Variants in DOCK2 observed in about 807,000 individuals in gnomAD.
DOCK2 encodes the protein dedicator of cytokinesis 2.
A neutral mutation model predicts 248.9 loss-of-function variants in DOCK2; 87 were observed. The observed-to-expected ratio is 0.35, with a 90% CI of 0.29 to 0.42. The LOEUF is 0.42. Ranked by LOEUF, DOCK2 falls within the 10% of genes least tolerant of loss-of-function variation. DOCK2 has a pLI of 1.00. For synonymous variants in DOCK2, 805 were observed against 821.6 expected (o/e 0.98, Z 0.35); for missense variants, 1,747 against 2,300.2 (o/e 0.76, Z 4.92).
At position 169,801,346 on chromosome 5, in the gene DOCK2, G is replaced by T. The variant is rs1478974350; in HGVS notation, c.2555-1712G>T. Among the ~76,000 whole-genome samples, 10 of 151,988 alleles carry T rather than the reference G, an allele frequency of 6.6e-5. No homozygotes were observed. In the South Asian group the frequency reaches 2.1e-3, roughly 32 times the overall value. ...AGTGCTTAAGAGCACAGTCTCTGCA[G>T]TCGGGCTGGATTTACCACTTACTAG... On this transcript the variant is annotated intron_variant, in intron 25 of 51. Transcript: ENST00000520908.
In DOCK2 at chr5:170,059,363, T is replaced by A. The variant is rs565806700; in HGVS notation, c.4467+1697T>A. On this transcript the variant is annotated intron_variant, in intron 44 of 51. Coordinates refer to ENST00000520908, the MANE Select transcript of DOCK2 (RefSeq NM_004946.3). ...TGAGCCCTATTTAGGAGGTAAGGAA[T>A]CAGAAACTTTCTGTCAATCTGTAGC... Among the ~76,000 whole-genome samples the A allele has an allele frequency of 2.6e-5, 4 of 152,238 alleles. No homozygotes were observed. The East Asian group carries it at 7.7e-4, about 29-fold the overall frequency.
chr5:169,755,158 C>A (rs1297291631), intron 23 of DOCK2, among the ~76,000 whole-genome samples: 3 of 151,810 alleles, frequency 2.0e-5, no homozygotes, highest in Non-Finnish European at 4.4e-5. Flanking sequence ...GTTGCTTAGG[C>A]TGGTCTTGAA....
intron 33 of DOCK2, among the ~76,000 whole-genome samples, chr5:170,020,087 C>A (rs539198605): frequency 6.6e-6 from 1 of 152,190 alleles, no homozygotes; most frequent in African/African-American, 2.4e-5. Context: ...AGCCCACACC[C>A]TCTAGCCAGC....
At chr5:169,726,812 G>T (rs1274831934) in intron 22 of DOCK2, among the ~76,000 whole-genome samples, 1 of 152,178 alleles carries the variant, frequency 6.6e-6, no homozygotes, top group Non-Finnish European at 1.5e-5. Flanking sequence ...CACAGTGGAG[G>T]CCTGGAAATT....
intron 27 of DOCK2, among the ~76,000 whole-genome samples, chr5:169,878,711 G>A (rs1480974718): frequency 6.6e-6 from 1 of 152,206 alleles, no homozygotes; most frequent in Non-Finnish European, 1.5e-5. Context: ...TGCTATGGTG[G>A]CATTCACTCA....
At chr5:169,883,065 C>T (rs1561792803) in intron 27 of DOCK2, 3 of 1,551,500 alleles carry the variant, frequency 1.9e-6, no homozygotes, top group Non-Finnish European at 1.7e-6. Context: ...TGGGCAAAAG[C>T]AATTCAGGTT....
chr5:169,690,411 A>C (rs1295619023), intron 9 of DOCK2, among the ~76,000 whole-genome samples: 1 of 152,210 alleles, frequency 6.6e-6, no homozygotes, highest in Non-Finnish European at 1.5e-5. Flanking sequence ...ACCTTGCTCT[A>C]CAATAATTTT....
chr5:170,056,977 C>G, intron 43 of DOCK2: 2 of 541,614 alleles, frequency 3.7e-6, no homozygotes, highest in Non-Finnish European at 3.3e-6. Flanking sequence ...TAATACAGAA[C>G]CCAGGCCTCA....
intron 1 of DOCK2, among the ~76,000 whole-genome samples, chr5:169,643,947 G>A (rs1001057112): frequency 1.3e-5 from 2 of 152,182 alleles, no homozygotes; most frequent in African/African-American, 2.4e-5. Flanking sequence ...GGTTTGCCTG[G>A]AAAGTGGGTT....
chr5:169,759,762 G>A lies in DOCK2; in HGVS notation c.2434G>A (p.Ala812Thr). 2 of 1,613,986 alleles carry A rather than the reference G, an allele frequency of 1.2e-6. No homozygotes were observed. Among genetic ancestry groups the A allele is most frequent in the Middle Eastern group, 3.3e-4 (2 of 6,060 alleles). ...GCATGATGTAGAAATGGTCTTTGAT[G>A]CGAAGTTACTCAGGTGAGAGCTCAT... ...VLHDVEMVFD[A>T]KLLSQLLYEF... Residue 812 changes from alanine (A) to threonine (T), a missense_variant, in exon 24 of 52, where the codon GCG (alanine) becomes ACG (threonine). Physicochemically the swap from Ala to Thr is moderately conservative, Grantham distance 58 (BLOSUM62 0). This residue lies in a region of DOCK2 where 858 missense variants were observed against 1,183.5 expected (regional missense o/e 0.72). Coordinates refer to ENST00000520908, the MANE Select transcript of DOCK2 (RefSeq NM_004946.3).
intron 26 of DOCK2, among the ~76,000 whole-genome samples, chr5:169,823,413 T>G (rs1156421013): frequency 6.6e-6 from 1 of 152,070 alleles, no homozygotes. Context: ...ATCAAAAAGC[T>G]TATCCACCGT....
At chr5:169,881,452 A>G in intron 27 of DOCK2, 1 of 1,550,966 alleles carries the variant, frequency 6.4e-7, no homozygotes, top group Non-Finnish European at 8.7e-7. Context: ...CCTGCAAGAC[A>G]GAGCATTTGC....
intron 27 of DOCK2, among the ~76,000 whole-genome samples, chr5:169,842,448 C>A (rs1424768765): frequency 6.6e-6 from 1 of 151,068 alleles, no homozygotes; most frequent in Admixed American, 6.6e-5. Context: ...ACCTCCACCT[C>A]CTGGGTTCAA....
chr5:169,729,826 G>T (rs1762674361), intron 22 of DOCK2, among the ~76,000 whole-genome samples: 1 of 152,174 alleles, frequency 6.6e-6, no homozygotes, highest in South Asian at 2.1e-4. Flanking sequence ...GAGCCACACT[G>T]CCTGGGTTTG....
intron 6 of DOCK2, among the ~76,000 whole-genome samples, chr5:169,674,998 A>C (rs181399586): frequency 1.2e-3 from 187 of 152,300 alleles, no homozygotes; most frequent in Non-Finnish European, 2.2e-3. Flanking sequence ...ATTATAAGTA[A>C]CTCTTAATCA....
intron 41 of DOCK2, among the ~76,000 whole-genome samples, chr5:170,052,662 C>T (rs1227401434): frequency 6.6e-6 from 1 of 152,200 alleles, no homozygotes; most frequent in South Asian, 2.1e-4. Flanking sequence ...ACCCCATGAT[C>T]TGTCTGTTTC....
intron 27 of DOCK2, among the ~76,000 whole-genome samples, chr5:169,964,391 A>G (rs760431956): frequency 6.6e-5 from 10 of 152,208 alleles, no homozygotes; most frequent in Non-Finnish European, 1.5e-4. Flanking sequence ...GACTGGCATC[A>G]TCTGCAGAAT....
chr5:169,967,796 A>C (rs1777357115), intron 27 of DOCK2, among the ~76,000 whole-genome samples: 1 of 151,356 alleles, frequency 6.6e-6, no homozygotes, highest in Non-Finnish European at 1.5e-5. Context: ...TAGGGAGAGA[A>C]ATGAACAAAC....
At chr5:170,005,067 TAAAAAA>T (rs33958422) in intron 30 of DOCK2, among the ~76,000 whole-genome samples, 4 of 137,944 alleles carry the variant, frequency 2.9e-5, no homozygotes, top group African/African-American at 7.7e-5. Flanking sequence ...TAAAGTATAA[TAAAAAA>T]AAAAAAAAAT....
Sources: allele counts gnomAD v4.1 joint callset (sites outside exome capture counted in the v4.1 genomes callset), GRCh38; gene constraint gnomAD v4.1.1; regional missense constraint gnomAD v4.1.1; transcripts MANE v1.5; gene names NCBI Gene and HGNC (gene_info 2026-07-23, HGNC 2026-07-21).